MRS2: variants seen among roughly 807,000 people sequenced by gnomAD.
MRS2 encodes the protein magnesium transporter MRS2, also known as magnesium transporter MRS2 homolog, mitochondrial.
MRS2 carries 40 observed loss-of-function variants against 52.6 expected under a neutral mutation model. The observed-to-expected ratio is 0.76, with a 90% confidence interval of 0.59 to 0.99. The LOEUF (loss-of-function observed/expected upper bound fraction) is 0.99. MRS2 is among the 50% of genes least tolerant of loss of function. The pLI is 0.00. For synonymous variants in MRS2, 193 were observed against 195.9 expected (o/e 0.98, Z 0.13); for missense variants, 472 against 532.7 (o/e 0.89, Z 1.12).
In MRS2 at chr6:24,423,039, T is replaced by C; in HGVS notation, c.1210T>C (p.Leu404=). ...SFLGRQLEAP[L]PPMMASLPKK... ...CCTTGGACGACAGCTAGAAGCTCCA[T>C]TGCCTCCTATGGTATGAAGGATATG... is the stretch of plus-strand genomic sequence containing the variant. The change falls in exon 10 of 11, where the codon TTG becomes CTG. Residue 404 remains leucine, a synonymous_variant. Transcript: ENST00000378386. The C allele has an allele frequency of 6.2e-7, 1 of 1,613,432 alleles. No individual in the cohort carries two copies. The highest frequency in any genetic ancestry group is 8.5e-7 in the Non-Finnish European group (1 of 1,179,368).
At position 24,423,054 on chromosome 6, in the gene MRS2, T is replaced by G. The variant is rs373637047; in HGVS notation, c.1221+4T>G. 5 of 1,607,972 alleles carry G rather than the reference T, an allele frequency of 3.1e-6. No individual in the cohort carries two copies. The African/African-American group carries it at 4.0e-5, about 13-fold the overall frequency. On this transcript the variant is annotated splice_donor_region_variant and intron_variant, in intron 10 of 10. Transcript: ENST00000378386. ...AGAAGCTCCATTGCCTCCTATGGTA[T>G]GAAGGATATGGTTCACGGCGGTATT...
chr6:24,408,461 C>G lies in MRS2; in HGVS notation c.301+17C>G, dbSNP rs775201123. 3.9e-6 allele frequency: 6 copies of G among 1,556,778 alleles called. No individual in the cohort carries two copies. The highest frequency in any genetic ancestry group is 5.3e-6 in the Non-Finnish European group (6 of 1,131,050). On this transcript the variant is annotated intron_variant, in intron 3 of 10. Transcript: ENST00000378386. ...CTTCTTTTGGTGAGTGATTAGCATT[C>G]TAAATCATTTTTTAAACATTTAATG...
chr6:24,403,618 T>C (rs901426626), intron 1 of MRS2, among the ~76,000 whole-genome samples: 3 of 152,230 alleles, frequency 2.0e-5, no homozygotes, highest in African/African-American at 7.2e-5. Context: ...AGGGTCTTAC[T>C]ATGTTGCCCA....
intron 4 of MRS2, among the ~76,000 whole-genome samples, chr6:24,411,367 T>G (rs1337335423): frequency 1.3e-5 from 2 of 152,198 alleles, no homozygotes; most frequent in African/African-American, 4.8e-5. Flanking sequence ...ATTAGAGTAG[T>G]AAGGCTATGT....
At chr6:24,405,754 T>G (rs1761447340) in intron 2 of MRS2, among the ~76,000 whole-genome samples, 1 of 147,984 alleles carries the variant, frequency 6.8e-6, no homozygotes, top group Non-Finnish European at 1.5e-5. Flanking sequence ...GTTGTAATAT[T>G]CTTGCAACTT....
At position 24,425,183 on chromosome 6, in the gene MRS2, GGCACACCTCAGA is replaced by G. The variant is rs1318295823; in HGVS notation, c.*1496_*1507del. 1 of 152,114 alleles carries G rather than the reference GGCACACCTCAGA, an allele frequency of 6.6e-6. No homozygotes were observed. The highest frequency in any genetic ancestry group is 1.5e-5 in the Non-Finnish European group (1 of 68,026). The allele number at this position is 152,114 out of a possible 1,614,324, so 9.4% of individuals were successfully genotyped here. On this transcript the variant is annotated 3_prime_UTR_variant, in exon 11 of 11. Coordinates refer to ENST00000378386, the MANE Select transcript of MRS2 (RefSeq NM_020662.4). ...CTTATATTTCACAGGGCACACTTTTGGCACACCTCAGAGCACACTGCTGCTATTTTGGGTCGT... is the reference window on the plus strand; with the variant it reads ...CTTATATTTCACAGGGCACACTTTTGGCACACTGCTGCTATTTTGGGTCGT...
At chr6:24,405,350 C>A in intron 2 of MRS2, 109 bp downstream of exon 2, 1 of 778,826 alleles carries the variant, frequency 1.3e-6, no homozygotes, top group Admixed American at 2.2e-5. Context: ...TTATAATCAT[C>A]ATAGCTACAT....
chr6:24,414,677 CG>C lies in MRS2; in HGVS notation c.589-352del, dbSNP rs1005234355. Among the ~76,000 whole-genome samples the C allele has an allele frequency of 2.6e-5, 4 of 152,302 alleles. No homozygotes were observed. The East Asian group carries it at 5.8e-4, about 22-fold the overall frequency. ...TGAGCTGTTGGGTACACCTCCCAGACGGGGTGGCGGCTGGGCAGAGGGGCTC... is the reference window on the plus strand; with the variant it reads ...TGAGCTGTTGGGTACACCTCCCAGACGGGTGGCGGCTGGGCAGAGGGGCTC... On this transcript the variant is annotated intron_variant, in intron 5 of 10. Coordinates refer to ENST00000378386, the MANE Select transcript of MRS2 (RefSeq NM_020662.4).
intron 7 of MRS2, 133 bp from the exon 8 acceptor site, chr6:24,417,951 A>AAAGAC (rs574814506): frequency 0.036 from 15,139 of 419,862 alleles, 118 homozygotes; most frequent in Non-Finnish European, 0.043. Flanking sequence ...AAAAAAAAAA[A>AAAGAC]AAGACAAGAC....
In MRS2 at chr6:24,402,952, G is replaced by A. The variant is rs530507197; in HGVS notation, c.-95G>A. Reference sequence around the variant, plus strand: ...GCCTGGTGCACAGAGTCTGCAGGTCGGGCGGTAGCGACAGGTCAGAGCTGC... The same window carrying A: ...GCCTGGTGCACAGAGTCTGCAGGTCAGGCGGTAGCGACAGGTCAGAGCTGC... On this transcript the variant is annotated 5_prime_UTR_variant, in exon 1 of 11. Coordinates refer to ENST00000378386, the MANE Select transcript of MRS2 (RefSeq NM_020662.4). The A allele has an allele frequency of 2.5e-6, 3 of 1,195,630 alleles. No homozygotes were observed. The highest frequency in any genetic ancestry group is 2.5e-5 in the East Asian group (1 of 39,582). 74.1% of individuals were successfully genotyped at this position (1,195,630 alleles called of 1,614,324 possible). A position where few individuals can be genotyped will look rare whatever the true frequency, so the allele number is the denominator to read the frequency against.
chr6:24,409,930 A>G (rs1225037220), intron 4 of MRS2, among the ~76,000 whole-genome samples: 1 of 152,184 alleles, frequency 6.6e-6, no homozygotes, highest in Non-Finnish European at 1.5e-5. Context: ...GTATAACCTG[A>G]GCTACCAAAA....
intron 1 of MRS2, among the ~76,000 whole-genome samples, chr6:24,404,359 C>T (rs1039661060): frequency 6.6e-6 from 1 of 152,202 alleles, no homozygotes; most frequent in Non-Finnish European, 1.5e-5. Context: ...CTTTATTCAT[C>T]TTACCCTTAT....
intron 9 of MRS2, among the ~76,000 whole-genome samples, chr6:24,421,941 G>T (rs942403399): frequency 6.6e-6 from 1 of 152,166 alleles, no homozygotes; most frequent in Non-Finnish European, 1.5e-5. Context: ...TTTAGGCCAG[G>T]AGTTCGAGAC....
rs762238108 is a variant in MRS2, at chr6:24,412,313, C to T, written c.506C>T (p.Ser169Leu). 5 of 1,603,024 alleles carry T rather than the reference C, an allele frequency of 3.1e-6. No individual in the cohort carries two copies. The highest frequency in any genetic ancestry group is 1.7e-5 in the Admixed American group (1 of 58,284). ...CAATGGCTGTTCCGGGAACTCCCTT[C>T]ACAGTTGTCTGGAGAGGGTCAACTC... ...LEQWLFRELP[S>L]QLSGEGQLVT... Residue 169 changes from serine to leucine, a missense_variant, in exon 5 of 11, where the codon TCA (serine) becomes TTA (leucine). Physicochemically the swap from Ser to Leu is moderately radical, Grantham distance 145. Coordinates refer to ENST00000378386, the MANE Select transcript of MRS2 (RefSeq NM_020662.4).
chr6:24,403,970 T>G (rs576339604), intron 1 of MRS2, among the ~76,000 whole-genome samples: 1 of 152,334 alleles, frequency 6.6e-6, no homozygotes, highest in East Asian at 1.9e-4. Flanking sequence ...TTGCTGTTTA[T>G]TTTTTCACCA....
intron 2 of MRS2, among the ~76,000 whole-genome samples, chr6:24,406,073 C>G (rs141055418): frequency 1.2e-3 from 170 of 147,768 alleles, no homozygotes; most frequent in South Asian, 8.9e-3. Flanking sequence ...CCACTGCACT[C>G]CAGCCTGGCA....
At chr6:24,405,021 A>G in intron 1 of MRS2, 147 bp from the exon 2 acceptor site, 1 of 557,378 alleles carries the variant, frequency 1.8e-6, no homozygotes. Flanking sequence ...GTTAAAATTA[A>G]GAAGAGTATT....
chr6:24,408,723 G>A (rs559042743), intron 3 of MRS2, among the ~76,000 whole-genome samples: 9 of 151,976 alleles, frequency 5.9e-5, no homozygotes, highest in East Asian at 1.9e-4. Context: ...TAGAACTGGA[G>A]CCCAGAGACA....
At chr6:24,415,217 AATT>A in intron 6 of MRS2, 54 bp downstream of exon 6, 1 of 1,480,160 alleles carries the variant, frequency 6.8e-7, no homozygotes. Flanking sequence ...TCTTAAAATC[AATT>A]ATTAACATTT....
Sources: allele counts gnomAD v4.1 joint callset (sites outside exome capture counted in the v4.1 genomes callset), GRCh38; gene constraint gnomAD v4.1.1; transcripts MANE v1.5; gene names NCBI Gene and HGNC (gene_info 2026-07-23, HGNC 2026-07-21).